MALRD1: variants seen among roughly 807,000 people sequenced by gnomAD.
MALRD1 encodes MAM and LDL receptor class A domain containing 1.
MALRD1 carries 247 observed loss-of-function variants against 242.1 expected under a neutral mutation model. The ratio of observed to expected loss-of-function variants is 1.02; its 90% CI spans 0.92 to 1.13. MALRD1 has a LOEUF of 1.13. Ranked by LOEUF, MALRD1 falls within the 50% of genes most tolerant of loss-of-function variation. The pLI, the probability that MALRD1 is intolerant of heterozygous loss-of-function variation, is 0.00. For missense variants in MALRD1, 2,989 were observed against 2,533.1 expected (o/e 1.18, Z -3.86); for synonymous variants, 995 against 866.6 (o/e 1.15, Z -2.60).
chr10:19,620,857 A>C (rs998306157), intron 36 of MALRD1, among the ~76,000 whole-genome samples: 2 of 151,946 alleles, frequency 1.3e-5, no homozygotes, highest in African/African-American at 4.8e-5. Flanking sequence ...AAATGACCTC[A>C]CCATAACCCA....
intron 21 of MALRD1, among the ~76,000 whole-genome samples, chr10:19,321,595 T>C (rs886714710): frequency 1.3e-5 from 2 of 152,200 alleles, no homozygotes; most frequent in Non-Finnish European, 2.9e-5. Flanking sequence ...GGGATATTCA[T>C]CACCTTAAAT....
intron 33 of MALRD1, among the ~76,000 whole-genome samples, chr10:19,580,514 CCT>C (rs1000442308): frequency 4.6e-5 from 7 of 152,136 alleles, no homozygotes; most frequent in Non-Finnish European, 1.0e-4. Flanking sequence ...CTCCAAAACT[CCT>C]CTTTTATTAG....
At chr10:19,458,552 A>C (rs1420247978) in intron 29 of MALRD1, among the ~76,000 whole-genome samples, 1 of 152,164 alleles carries the variant, frequency 6.6e-6, no homozygotes, top group East Asian at 1.9e-4. Context: ...CTTTTTGAAA[A>C]TGTATCACCG....
At chr10:19,617,172 A>G (rs1457319320) in intron 36 of MALRD1, among the ~76,000 whole-genome samples, 2 of 152,016 alleles carry the variant, frequency 1.3e-5, no homozygotes, top group Non-Finnish European at 2.9e-5. Flanking sequence ...GAGCAAGAAA[A>G]GAGCTTTACA....
chr10:19,245,449 C>T (rs980843985), intron 18 of MALRD1, among the ~76,000 whole-genome samples: 3 of 152,074 alleles, frequency 2.0e-5, no homozygotes, highest in African/African-American at 7.2e-5. Flanking sequence ...GTATTCTCTC[C>T]ACATTGCATG....
chr10:19,312,183 G>A (rs191694302), intron 21 of MALRD1, among the ~76,000 whole-genome samples: 85 of 151,368 alleles, frequency 5.6e-4, no homozygotes, highest in African/African-American at 2.0e-3. Context: ...ATGGCACCAC[G>A]TGAATTCCCT....
chr10:19,468,035 TCACCTGCCTC>T (rs1282036402), intron 29 of MALRD1, among the ~76,000 whole-genome samples: 1 of 152,100 alleles, frequency 6.6e-6, no homozygotes, highest in Non-Finnish European at 1.5e-5. Context: ...CTCAAGTGAT[TCACCTGCCTC>T]AGCCTCCCAA....
At chr10:19,305,911 A>G (rs1842150508) in intron 21 of MALRD1, among the ~76,000 whole-genome samples, 1 of 130,426 alleles carries the variant, frequency 7.7e-6, no homozygotes, top group South Asian at 2.2e-4. Flanking sequence ...ACTATATACT[A>G]TATTATATAT....
chr10:19,211,330 T>C (rs75255504), intron 18 of MALRD1, among the ~76,000 whole-genome samples: 9,789 of 151,996 alleles, frequency 0.064, 354 homozygotes, highest in Middle Eastern at 0.092. Context: ...AAAAAAATAA[T>C]AATAATAAGA....
intron 18 of MALRD1, among the ~76,000 whole-genome samples, chr10:19,232,277 C>T (rs1249853952): frequency 2.0e-5 from 3 of 151,758 alleles, no homozygotes; most frequent in Non-Finnish European, 4.4e-5. Flanking sequence ...AGCAATTCTC[C>T]TGCCTCAGTC....
chr10:19,506,354 C>T (rs1184574042), intron 31 of MALRD1, among the ~76,000 whole-genome samples: 1 of 152,094 alleles, frequency 6.6e-6, no homozygotes, highest in African/African-American at 2.4e-5. Flanking sequence ...GCATAATGGA[C>T]AAAAATCAGA....
At chr10:19,512,421 C>T (rs565935581) in intron 31 of MALRD1, among the ~76,000 whole-genome samples, 1 of 152,280 alleles carries the variant, frequency 6.6e-6, no homozygotes, top group South Asian at 2.1e-4. Flanking sequence ...CAAGGCAATC[C>T]AGTCTATTCA....
intron 28 of MALRD1, among the ~76,000 whole-genome samples, chr10:19,446,168 TTCCATGTACCG>T (rs145881937): frequency 0.23 from 35,014 of 151,898 alleles, 4,364 homozygotes; most frequent in Middle Eastern, 0.32. Context: ...TGTCCTGATT[TTCCATGTACCG>T]TCTGTCATGG....
chr10:19,549,805 T>G (rs1835402471), intron 32 of MALRD1, among the ~76,000 whole-genome samples: 1 of 152,212 alleles, frequency 6.6e-6, no homozygotes, highest in African/African-American at 2.4e-5. Flanking sequence ...TTAAAGACAT[T>G]AAGTAACTTG....
chr10:19,336,703 A>G (rs61850916), intron 24 of MALRD1, among the ~76,000 whole-genome samples: 467 of 152,282 alleles, frequency 3.1e-3, no homozygotes, highest in Non-Finnish European at 5.4e-3. Flanking sequence ...AATATTGCAT[A>G]ACATAAACTG....
chr10:19,689,291 G>A (rs1430269950), intron 36 of MALRD1, among the ~76,000 whole-genome samples: 2 of 152,194 alleles, frequency 1.3e-5, no homozygotes, highest in East Asian at 3.9e-4. Context: ...AAAAGTAGTA[G>A]GAGGAGACAT....
intron 31 of MALRD1, among the ~76,000 whole-genome samples, chr10:19,507,543 G>GT (rs1381357841): frequency 6.6e-6 from 1 of 151,952 alleles, no homozygotes. Context: ...TCTTCACTAG[G>GT]TTTTCAAGTT....
At position 19,347,004 on chromosome 10, in the gene MALRD1, C is replaced by G. The variant is rs1004336868; in HGVS notation, c.3902-767C>G. Reference sequence around the variant, plus strand: ...ATATTGACTTAAAAATGAAAAGTATCAAAAGTCCTAAATATATAAATGTAT... The same window carrying G: ...ATATTGACTTAAAAATGAAAAGTATGAAAAGTCCTAAATATATAAATGTAT... On this transcript the variant is annotated intron_variant, in intron 24 of 39. Coordinates refer to ENST00000454679, the MANE Select transcript of MALRD1 (RefSeq NM_001142308.3). Among the ~76,000 whole-genome samples, 4 of 152,140 alleles carry G rather than the reference C, an allele frequency of 2.6e-5. No individual in the cohort carries two copies. In the East Asian group the frequency reaches 5.8e-4, roughly 22 times the overall value.
intron 28 of MALRD1, among the ~76,000 whole-genome samples, chr10:19,407,745 T>G (rs1370618098): frequency 6.6e-6 from 1 of 152,146 alleles, no homozygotes; most frequent in African/African-American, 2.4e-5. Flanking sequence ...TTAGTATACT[T>G]TTGGCAGTAG....
Sources: allele counts gnomAD v4.1 joint callset (sites outside exome capture counted in the v4.1 genomes callset), GRCh38; gene constraint gnomAD v4.1.1; transcripts MANE v1.5; gene names NCBI Gene and HGNC (gene_info 2026-07-23, HGNC 2026-07-21).